The following LPIN1 variants were observed in gnomAD, a reference collection of about 807,000 sequenced individuals.
LPIN1 encodes the protein lipin 1, also known as phosphatidate phosphatase LPIN1.
LPIN1 carries 71 observed loss-of-function variants against 107.5 expected under a neutral mutation model. That is an observed-to-expected ratio of 0.66 (90% CI 0.55 to 0.80). The LOEUF (loss-of-function observed/expected upper bound fraction) is 0.80, where lower values mean the gene tolerates loss of function less well. LPIN1 is among the 30% of genes least tolerant of loss of function. The pLI is 0.00. For missense variants in LPIN1, 1,043 were observed against 1,160.6 expected (o/e 0.90, Z 1.47); for synonymous variants, 445 against 452.6 (o/e 0.98, Z 0.21).
intron 1 of LPIN1, among the ~76,000 whole-genome samples, chr2:11,698,581 C>T (rs1662706284): frequency 1.3e-5 from 2 of 152,196 alleles, no homozygotes; most frequent in Admixed American, 1.3e-4. Context: ...TCTAGATTGC[C>T]CGACACCATG....
chr2:11,823,452 G>A (rs1369048645), intron 20 of LPIN1, among the ~76,000 whole-genome samples: 8 of 152,214 alleles, frequency 5.3e-5, no homozygotes, highest in African/African-American at 1.9e-4. Context: ...ATTAGGAGAC[G>A]TCACTTTCCC....
intron 20 of LPIN1, among the ~76,000 whole-genome samples, chr2:11,822,558 C>T (rs1021774965): frequency 3.1e-4 from 47 of 152,138 alleles, no homozygotes; most frequent in African/African-American, 1.1e-3. Flanking sequence ...AAAGAGAGCT[C>T]GTGCAGGGAA....
chr2:11,733,524 T>C (rs1187559167), intron 1 of LPIN1, among the ~76,000 whole-genome samples: 6 of 151,682 alleles, frequency 4.0e-5, no homozygotes, highest in South Asian at 4.2e-4. Flanking sequence ...GACAAAGTCT[T>C]GGTTTTGCCC....
At chr2:11,775,678 G>C (rs1483473050) in intron 5 of LPIN1, among the ~76,000 whole-genome samples, 1 of 152,104 alleles carries the variant, frequency 6.6e-6, no homozygotes, top group Non-Finnish European at 1.5e-5. Context: ...AAGTGAAATA[G>C]GTCATTTGGC....
chr2:11,717,703 T>G (rs1663846399), intron 2 of LPIN1, among the ~76,000 whole-genome samples: 1 of 152,206 alleles, frequency 6.6e-6, no homozygotes, highest in African/African-American at 2.4e-5. Context: ...ACAGGTTTTT[T>G]TTTTTCTAAG....
chr2:11,761,695 A>G (rs886447183), intron 1 of LPIN1, among the ~76,000 whole-genome samples: 3 of 152,116 alleles, frequency 2.0e-5, no homozygotes, highest in Non-Finnish European at 4.4e-5. Flanking sequence ...TCATTTGCAA[A>G]TGGGTGTGCT....
chr2:11,725,543 A>AT (rs1467371894), intron 1 of LPIN1, among the ~76,000 whole-genome samples: 2 of 152,148 alleles, frequency 1.3e-5, no homozygotes, highest in Non-Finnish European at 2.9e-5. Context: ...TCCTGACTTG[A>AT]TCCTCTTTCC....
At chr2:11,716,712 T>C (rs1310187317) in intron 2 of LPIN1, among the ~76,000 whole-genome samples, 2 of 152,136 alleles carry the variant, frequency 1.3e-5, no homozygotes, top group African/African-American at 4.8e-5. Flanking sequence ...AGGGAAAGTT[T>C]TTCTAAGAGG....
At chr2:11,722,677 A>G (rs1664235218), upstream of LPIN1, among the ~76,000 whole-genome samples, 1 of 152,244 alleles carries the variant, frequency 6.6e-6, no homozygotes, top group Non-Finnish European at 1.5e-5. Context: ...CCCATTGAAC[A>G]TGCAGGCTTC....
intron 3 of LPIN1, among the ~76,000 whole-genome samples, chr2:11,768,723 T>C (rs1483338467): frequency 6.6e-6 from 1 of 152,014 alleles, no homozygotes; most frequent in African/African-American, 2.4e-5. Context: ...GATCACGAGG[T>C]CAGGAGATAG....
At chr2:11,733,469 T>A (rs60662456) in intron 1 of LPIN1, among the ~76,000 whole-genome samples, 42,182 of 151,250 alleles carry the variant, frequency 0.28, 8,788 homozygotes, top group African/African-American at 0.59. Context: ...GCATGACTCT[T>A]TACTGTGTTT....
At chr2:11,685,279 A>T (rs1468447688) in intron 1 of LPIN1, among the ~76,000 whole-genome samples, 2 of 152,132 alleles carry the variant, frequency 1.3e-5, no homozygotes, top group Non-Finnish European at 2.9e-5. Context: ...GAAAAGTGGG[A>T]GGAGATGGTG....
intron 1 of LPIN1, among the ~76,000 whole-genome samples, chr2:11,763,511 C>G (rs939674824): frequency 6.6e-6 from 1 of 152,194 alleles, no homozygotes; most frequent in East Asian, 1.9e-4. Context: ...CCCTTTCCCT[C>G]TTTTTCGTCT....
intron 1 of LPIN1, among the ~76,000 whole-genome samples, chr2:11,681,885 C>A (rs1461710344): frequency 6.6e-6 from 1 of 152,210 alleles, no homozygotes; most frequent in African/African-American, 2.4e-5. Context: ...TCCTCTGGGG[C>A]CCCTTTCTAC....
chr2:11,824,620 C>G lies in LPIN1; in HGVS notation c.2622-12C>G. On this transcript the variant is annotated splice_polypyrimidine_tract_variant and intron_variant, in intron 20 of 20. Transcript: ENST00000674199. ...TCGCTCAGTGCCAGTGACAATGTCC[C>G]TTTCCTTCCAGGTATGTGAGACTCT... The G allele has an allele frequency of 6.2e-7, 1 of 1,614,078 alleles. No individual in the cohort carries two copies. Among genetic ancestry groups the G allele is most frequent in the Non-Finnish European group, 8.5e-7 (1 of 1,180,012 alleles).
intron 1 of LPIN1, among the ~76,000 whole-genome samples, chr2:11,752,132 T>C (rs867839830): frequency 6.6e-6 from 1 of 152,218 alleles, no homozygotes; most frequent in Non-Finnish European, 1.5e-5. Flanking sequence ...ATTTGTACAA[T>C]CAGTTCCCAG....
chr2:11,759,132 CTTTT>C (rs753072172), intron 1 of LPIN1, among the ~76,000 whole-genome samples: 6 of 121,332 alleles, frequency 4.9e-5, no homozygotes, highest in East Asian at 4.6e-4. Flanking sequence ...TGCTTTCTTT[CTTTT>C]CTTTCTTTCT....
intron 1 of LPIN1, among the ~76,000 whole-genome samples, chr2:11,762,871 G>A (rs982133939): frequency 2.0e-5 from 3 of 152,190 alleles, no homozygotes; most frequent in Non-Finnish European, 4.4e-5. Context: ...CCTGGAGTCT[G>A]TAGGTGACCT....
chr2:11,750,786 T>C (rs1224717744), intron 1 of LPIN1, among the ~76,000 whole-genome samples: 2 of 130,938 alleles, frequency 1.5e-5, no homozygotes, highest in Admixed American at 1.4e-4. Context: ...TCTTACCTGC[T>C]GAGCTATATT....
Sources: allele counts gnomAD v4.1 joint callset (sites outside exome capture counted in the v4.1 genomes callset), GRCh38; gene constraint gnomAD v4.1.1; transcripts MANE v1.5; gene names NCBI Gene and HGNC (gene_info 2026-07-23, HGNC 2026-07-21).